TRAPPC1: variants seen among roughly 807,000 people sequenced by gnomAD.
The protein encoded by TRAPPC1 is BET5 homolog.
Under a neutral mutation model 17.2 loss-of-function variants are expected in TRAPPC1, and 10 were observed. That is an observed-to-expected ratio of 0.58 (90% CI 0.36 to 0.99). TRAPPC1 has a LOEUF of 0.99. Ranked by LOEUF, TRAPPC1 falls within the 50% of genes least tolerant of loss-of-function variation. TRAPPC1 has a pLI of 0.01. For missense variants in TRAPPC1, 163 were observed against 184.4 expected (o/e 0.88, Z 0.67); for synonymous variants, 85 against 74.5 (o/e 1.14, Z -0.72).
intron 1 of TRAPPC1, 69 bp downstream of exon 1, chr17:7,931,662 G>A: frequency 1.9e-6 from 3 of 1,541,234 alleles, no homozygotes; most frequent in Non-Finnish European, 2.7e-6. Flanking sequence ...GGAGAGGAGG[G>A]GCTGGGTTGG....
At chr17:7,931,954 G>A, upstream of TRAPPC1, 2 of 798,530 alleles carry the variant, frequency 2.5e-6, no homozygotes, top group South Asian at 2.9e-5. Context: ...ACTGCTCCGA[G>A]TGCCCGTCAA....
rs1309284391 is a variant in TRAPPC1, at chr17:7,930,410, A to G, written c.*196T>C. On this transcript the variant is annotated 3_prime_UTR_variant, in exon 4 of 4. Transcript: ENST00000303731. Reference sequence around the variant, plus strand: ...CATTAGGCAGGGGATAAAACTGGAGAGAGGGCCTGGTGTGGAGGTGGAGGG... The same window carrying G: ...CATTAGGCAGGGGATAAAACTGGAGGGAGGGCCTGGTGTGGAGGTGGAGGG... 3 of 622,948 alleles carry G rather than the reference A, an allele frequency of 4.8e-6. No individual in the cohort carries two copies. The highest frequency in any genetic ancestry group is 8.3e-6 in the Non-Finnish European group (3 of 360,624). 38.6% of individuals were successfully genotyped at this position (622,948 alleles called of 1,614,324 possible).
chr17:7,931,322 CTACTT>C, intron 2 of TRAPPC1, 173 bp from the exon 3 acceptor site: 1 of 1,056,834 alleles, frequency 9.5e-7, no homozygotes, highest in Non-Finnish European at 1.4e-6. Context: ...ACCAACTTCT[CTACTT>C]TCAGACCCTC....
At chr17:7,930,769 GATACT>G in intron 3 of TRAPPC1, 35 bp from the exon 4 acceptor site, 2 of 1,608,268 alleles carry the variant, frequency 1.2e-6, no homozygotes, top group Non-Finnish European at 1.7e-6. Context: ...CCAGGCTTTG[GATACT>G]TCTGGTTTTT....
In TRAPPC1 at chr17:7,931,932, G is replaced by A. The variant is rs1293620188; in HGVS notation, c.-103C>T. 26 of 953,732 alleles carry A rather than the reference G, an allele frequency of 2.7e-5. No individual in the cohort carries two copies. Among genetic ancestry groups the A allele is most frequent in the Non-Finnish European group, 3.6e-5 (21 of 585,880 alleles). 59.1% of individuals were successfully genotyped at this position (953,732 alleles called of 1,614,324 possible). A position where few individuals can be genotyped will look rare whatever the true frequency, so the allele number is the denominator to read the frequency against. ...CCAACCAGGTGGGGACCCCACCCAC[G>A]GACTCACCGGAACTGCTCCGAGTGC... On this transcript the variant is annotated 5_prime_UTR_variant, in exon 1 of 4. Transcript: ENST00000303731.
At position 7,930,354 on chromosome 17, in the gene TRAPPC1, T is replaced by C. The variant is rs1301564822; in HGVS notation, c.*252A>G. ...ACCAACACGCTCAGGCCGCAGAGAG[T>C]GACAAAAAGTTTATTCTGTGCTTCT... On this transcript the variant is annotated 3_prime_UTR_variant, in exon 4 of 4. Coordinates refer to ENST00000303731, the MANE Select transcript of TRAPPC1 (RefSeq NM_021210.5). The C allele has an allele frequency of 2.1e-6, 1 of 483,350 alleles. No homozygotes were observed. The highest frequency in any genetic ancestry group is 2.0e-5 in the African/African-American group (1 of 50,642). 29.9% of individuals were successfully genotyped at this position (483,350 alleles called of 1,614,324 possible).
intron 2 of TRAPPC1, 130 bp from the exon 3 acceptor site, chr17:7,931,279 C>T (rs1972488254): frequency 8.0e-7 from 1 of 1,253,468 alleles, no homozygotes; most frequent in Non-Finnish European, 1.1e-6. Context: ...TGAGTAAAGA[C>T]ATCGCCCATC....
At chr17:7,931,642 G>A in intron 1 of TRAPPC1, 66 bp from the exon 2 acceptor site, 3 of 1,471,588 alleles carry the variant, frequency 2.0e-6, no homozygotes, top group Non-Finnish European at 2.9e-6. Flanking sequence ...GTGGGAACGA[G>A]CTGGGGTTTG....
intron 2 of TRAPPC1, 54 bp downstream of exon 2, chr17:7,931,452 C>T: frequency 6.4e-7 from 1 of 1,574,544 alleles, no homozygotes; most frequent in African/African-American, 1.3e-5. Context: ...TTTCCCCCAT[C>T]CCCAAATTCC....
In TRAPPC1 at chr17:7,930,527, A is replaced by C; in HGVS notation, c.*79T>G. The C allele has an allele frequency of 1.3e-6, 2 of 1,588,232 alleles. No homozygotes were observed. The highest frequency in any genetic ancestry group is 1.7e-6 in the Non-Finnish European group (2 of 1,163,644). ...AGGGGGTGGGGGTGCGGGGGCTTAC[A>C]GTGGGGGCCCTTAGTTGGCACAGGT... On this transcript the variant is annotated 3_prime_UTR_variant, in exon 4 of 4. Transcript: ENST00000303731.
At chr17:7,930,802 A>AC in intron 3 of TRAPPC1, 68 bp from the exon 4 acceptor site, 1 of 1,587,006 alleles carries the variant, frequency 6.3e-7, no homozygotes, top group South Asian at 1.2e-5. Context: ...AACCTTGTAT[A>AC]ACCTCAGGGG....
intron 3 of TRAPPC1, 22 bp from the exon 4 acceptor site, chr17:7,930,756 G>C (rs201092246): frequency 1.4e-4 from 227 of 1,612,056 alleles, no homozygotes; most frequent in Middle Eastern, 8.3e-4. Context: ...GAAGATGTTA[G>C]AGCCAGGCTT....
Position 7,931,906 on chromosome 17 carries a change from T to C in TRAPPC1, c.-77A>G. The C allele has an allele frequency of 7.8e-7, 1 of 1,285,854 alleles. No homozygotes were observed. The highest frequency in any genetic ancestry group is 1.2e-5 in the South Asian group (1 of 84,356). 79.7% of individuals were successfully genotyped at this position (1,285,854 alleles called of 1,614,324 possible). ...GCTCGGGTTCCCGGACCCACAGCCT[T>C]CCAACCAGGTGGGGACCCCACCCAC... On this transcript the variant is annotated 5_prime_UTR_variant, in exon 1 of 4. Coordinates refer to ENST00000303731, the MANE Select transcript of TRAPPC1 (RefSeq NM_021210.5).
intron 2 of TRAPPC1, 152 bp from the exon 3 acceptor site, chr17:7,931,301 AT>A: frequency 2.6e-6 from 3 of 1,144,920 alleles, no homozygotes; most frequent in Non-Finnish European, 3.7e-6. Context: ...TCACCCCTCA[AT>A]TTAGCCCCCA....
intron 3 of TRAPPC1, 65 bp downstream of exon 3, chr17:7,930,946 G>A (rs531192432): frequency 3.1e-6 from 5 of 1,588,988 alleles, no homozygotes; most frequent in East Asian, 2.2e-5. Flanking sequence ...TTGGGGCAGG[G>A]GAGATGAGGG....
intron 2 of TRAPPC1, 85 bp from the exon 3 acceptor site, chr17:7,931,234 T>G (rs117866415): frequency 0.02 from 30,053 of 1,485,634 alleles, 390 homozygotes; most frequent in Middle Eastern, 0.054. Context: ...ATCGACTCCC[T>G]CTTTATCTAA....
Position 7,930,411 on chromosome 17 carries a change from G to A in TRAPPC1, c.*195C>T, listed in dbSNP as rs1384274018. The A allele has an allele frequency of 1.6e-6, 1 of 628,112 alleles. No homozygotes were observed. Among genetic ancestry groups the A allele is most frequent in the Non-Finnish European group, 2.7e-6 (1 of 364,094 alleles). The allele number at this position is 628,112 out of a possible 1,614,324, so 38.9% of individuals were successfully genotyped here. A position where few individuals can be genotyped will look rare whatever the true frequency, so the allele number is the denominator to read the frequency against. On this transcript the variant is annotated 3_prime_UTR_variant, in exon 4 of 4. Coordinates refer to ENST00000303731, the MANE Select transcript of TRAPPC1 (RefSeq NM_021210.5). ...ATTAGGCAGGGGATAAAACTGGAGA[G>A]AGGGCCTGGTGTGGAGGTGGAGGGA...
chr17:7,931,288 T>A, intron 2 of TRAPPC1, 139 bp from the exon 3 acceptor site: 1 of 1,197,122 alleles, frequency 8.4e-7, no homozygotes, highest in Non-Finnish European at 1.2e-6. Flanking sequence ...ACATCGCCCA[T>A]CGTCACCCCT....
intron 2 of TRAPPC1, 176 bp from the exon 3 acceptor site, chr17:7,931,325 C>A (rs1400063294): frequency 5.8e-6 from 6 of 1,042,328 alleles, no homozygotes; most frequent in Middle Eastern, 2.6e-4. Context: ...AACTTCTCTA[C>A]TTTCAGACCC....
Sources: gnomAD v4.1 joint callset for allele counts on GRCh38, gnomAD v4.1.1 for gene constraint, MANE v1.5 for transcripts, NCBI Gene and HGNC (gene_info 2026-07-23, HGNC 2026-07-21) for gene names.